HAVCR1: variants seen among roughly 807,000 people sequenced by gnomAD.
HAVCR1 encodes hepatitis A virus cellular receptor 1.
HAVCR1 carries 34 observed loss-of-function variants against 32.0 expected under a neutral mutation model. The ratio of observed to expected loss-of-function variants is 1.06; its 90% CI spans 0.81 to 1.42. HAVCR1 has a LOEUF of 1.42. HAVCR1 is among the 40% of genes most tolerant of loss of function. The pLI is 0.00. For synonymous variants in HAVCR1, 178 were observed against 170.3 expected, an observed-to-expected ratio of 1.05 and a Z score of -0.35; for missense variants, 420 against 442.3, an observed-to-expected ratio of 0.95 and a Z score of 0.45.
In HAVCR1 at chr5:157,055,254, T is replaced by G. The variant is rs769720430; in HGVS notation, c.326A>C (p.His109Pro). The change falls in exon 3 of 9, where the codon CAC becomes CCC. Residue 109 changes from histidine to proline, a missense_variant. Transcript: ENST00000523175. ...DSGVYCCRVE[H>P]RGWFNDMKIT... ...TTTCATGTCATTGAACCACCCACGG[T>G]GCTCAACACGGCAACAATATACGCC... 6.2e-7 allele frequency: 1 copy of G among 1,611,730 alleles called. No homozygotes were observed. Among genetic ancestry groups the G allele is most frequent in the Non-Finnish European group, 8.5e-7 (1 of 1,178,212 alleles).
At chr5:157,049,310 A>T (rs770752009) in intron 4 of HAVCR1, among the ~76,000 whole-genome samples, 165 bp from the exon 5 acceptor site, 1 of 152,232 alleles carries the variant, frequency 6.6e-6, no homozygotes, top group Non-Finnish European at 1.5e-5. Flanking sequence ...CCCACTTCTG[A>T]ACCTTTCGGC....
intron 7 of HAVCR1, among the ~76,000 whole-genome samples, chr5:157,034,504 C>A (rs536364139): frequency 9.9e-5 from 15 of 151,276 alleles, no homozygotes; most frequent in African/African-American, 3.6e-4. Context: ...GAGACAGATG[C>A]CTTCCTCTTA....
In HAVCR1 at chr5:157,052,349, C is replaced by T. The variant is rs746225528; in HGVS notation, c.673+12G>A. ...TAGAAGGCCTTTGGGCTTCCAAACA[C>T]ATCTGTTTTACCTGGTTCATGGTTC... On this transcript the variant is annotated intron_variant, in intron 4 of 8. Transcript: ENST00000523175. 1.2e-6 allele frequency: 2 copies of T among 1,613,304 alleles called. No individual in the cohort carries two copies. Among genetic ancestry groups the T allele is most frequent in the South Asian group, 2.2e-5 (2 of 91,056 alleles).
intron 6 of HAVCR1, among the ~76,000 whole-genome samples, chr5:157,040,025 G>A (rs530920480): frequency 7.2e-5 from 11 of 152,314 alleles, no homozygotes; most frequent in East Asian, 1.9e-4. Flanking sequence ...GGCCAGGCGC[G>A]GTAGCTCACG....
intron 7 of HAVCR1, among the ~76,000 whole-genome samples, chr5:157,036,861 G>T (rs559935494): frequency 6.6e-6 from 1 of 150,624 alleles, no homozygotes; most frequent in Non-Finnish European, 1.5e-5. Context: ...TGGTTTTTTT[G>T]TTTGTTTGTT....
At chr5:157,057,463 G>GAA (rs1370775112) in intron 2 of HAVCR1, among the ~76,000 whole-genome samples, 10 of 126,538 alleles carry the variant, frequency 7.9e-5, no homozygotes, top group African/African-American at 2.7e-4. Flanking sequence ...AAGAAAGAAA[G>GAA]AGAATTGAAT....
At chr5:157,054,225 C>A (rs1294496761) in intron 3 of HAVCR1, among the ~76,000 whole-genome samples, 5 of 150,156 alleles carry the variant, frequency 3.3e-5, no homozygotes, top group African/African-American at 4.9e-5. Flanking sequence ...AAAGGCCCTG[C>A]ATGGTGGCTT....
At chr5:157,037,855 A>G (rs1205222509) in intron 6 of HAVCR1, among the ~76,000 whole-genome samples, 1 of 152,034 alleles carries the variant, frequency 6.6e-6, no homozygotes, top group East Asian at 1.9e-4. Context: ...CTCTACTAAA[A>G]ATACAAAAAT....
At position 157,042,712 on chromosome 5, in the gene HAVCR1, A is replaced by G. The variant is rs367591232; in HGVS notation, c.782-30T>C. On this transcript the variant is annotated intron_variant, in intron 5 of 8. Coordinates refer to ENST00000523175, the MANE Select transcript of HAVCR1 (RefSeq NM_001173393.3). Reference sequence around the variant, plus strand: ...TCAACAAGAAGGAAATTTAATTAGAATTACAAAAAATATTGAATTTTCACT... The same window carrying G: ...TCAACAAGAAGGAAATTTAATTAGAGTTACAAAAAATATTGAATTTTCACT... 9 of 1,335,922 alleles carry G rather than the reference A, an allele frequency of 6.7e-6. No homozygotes were observed. In the African/African-American group the frequency reaches 1.3e-4, roughly 19 times the overall value. The allele number at this position is 1,335,922 out of a possible 1,614,324, so 82.8% of individuals were successfully genotyped here.
intron 8 of HAVCR1, among the ~76,000 whole-genome samples, chr5:157,032,036 G>C (rs1166583759): frequency 6.6e-6 from 1 of 152,054 alleles, no homozygotes; most frequent in Non-Finnish European, 1.5e-5. Flanking sequence ...TGCTTTCTTG[G>C]CACTCAATCA....
chr5:157,033,391 A>G (rs1226524273), intron 7 of HAVCR1, among the ~76,000 whole-genome samples: 1 of 152,122 alleles, frequency 6.6e-6, no homozygotes, highest in African/African-American at 2.4e-5. Flanking sequence ...AGGGCTCAGA[A>G]TACAATACCC....
Position 157,037,309 on chromosome 5 carries a change from T to C in HAVCR1, c.890A>G (p.Tyr297Cys), listed in dbSNP as rs376460912. Residue 297 changes from tyrosine (Y) to cysteine (C), a missense_variant, in exon 7 of 9, where the codon TAT (tyrosine) becomes TGT (cysteine). By Grantham distance (194) the Tyr-to-Cys change is radical (BLOSUM62 -2). Transcript: ENST00000523175. ...CAAGACAGAAATACAGACTCCAGCA[T>C]AGATTCCTTTAGTGGTATTGGCCGT... ...LLTANTTKGI[Y>C]AGVCISVLVL... The C allele has an allele frequency of 8.7e-6, 14 of 1,606,244 alleles. No homozygotes were observed. The highest frequency in any genetic ancestry group is 1.6e-4 in the Middle Eastern group (1 of 6,062).
At chr5:157,035,019 C>A (rs565206005) in intron 7 of HAVCR1, among the ~76,000 whole-genome samples, 1 of 151,992 alleles carries the variant, frequency 6.6e-6, no homozygotes, top group East Asian at 1.9e-4. Flanking sequence ...GCATTCCAGT[C>A]TGAGTGACAG....
At chr5:157,032,172 A>G (rs1255265151) in intron 8 of HAVCR1, among the ~76,000 whole-genome samples, 1 of 152,210 alleles carries the variant, frequency 6.6e-6, no homozygotes, top group Non-Finnish European at 1.5e-5. Flanking sequence ...AATAGCCAAT[A>G]ACACTCAGTA....
intron 3 of HAVCR1, among the ~76,000 whole-genome samples, chr5:157,054,190 CAAAAAAAAA>C (rs900551230): frequency 7.1e-5 from 3 of 42,210 alleles, no homozygotes; most frequent in African/African-American, 2.7e-4. Flanking sequence ...GACTCCATCT[CAAAAAAAAA>C]AAAAAAAAAA....
intron 5 of HAVCR1, among the ~76,000 whole-genome samples, chr5:157,044,615 G>GAAAAAGAAAGAAAGAAAGAAAGAA (rs760337335): frequency 1.9e-5 from 1 of 52,658 alleles, no homozygotes; most frequent in African/African-American, 6.5e-5. Flanking sequence ...AAGAAAGAAA[G>GAAAAAGAAAGAAAGAAAGAAAGAA]AGAAAGAAAG....
At chr5:157,065,305 T>TAAAA in the HAVCR1 span, among the ~76,000 whole-genome samples, 1 of 59,252 alleles carries the variant, frequency 1.7e-5, no homozygotes, top group African/African-American at 5.2e-5. Context: ...AGACTCCGCC[T>TAAAA]CAAAAAAAAA....
chr5:157,033,677 A>C (rs1022209439), intron 7 of HAVCR1, among the ~76,000 whole-genome samples: 1 of 152,118 alleles, frequency 6.6e-6, no homozygotes, highest in Non-Finnish European at 1.5e-5. Context: ...CCTGCCCTAC[A>C]GTCTGTTCTT....
At chr5:157,053,665 T>G (rs1755913001) in intron 3 of HAVCR1, among the ~76,000 whole-genome samples, 1 of 151,450 alleles carries the variant, frequency 6.6e-6, no homozygotes, top group Admixed American at 6.6e-5. Context: ...AGGTCAGGAG[T>G]TTGAGACCAG....
Sources: allele counts gnomAD v4.1 joint callset (sites outside exome capture counted in the v4.1 genomes callset), GRCh38; gene constraint gnomAD v4.1.1; transcripts MANE v1.5; gene names NCBI Gene and HGNC (gene_info 2026-07-23, HGNC 2026-07-21).